The following NTM variants were observed in gnomAD, a reference collection of about 807,000 sequenced individuals.
NTM encodes the protein neurotrimin, also known as IgLON family member 2.
A neutral mutation model predicts 42.1 loss-of-function variants in NTM; 13 were observed. The observed-to-expected ratio is 0.31, with a 90% CI of 0.20 to 0.49. NTM has a LOEUF of 0.49. Ranked by LOEUF, NTM falls within the 20% of genes least tolerant of loss-of-function variation. NTM has a pLI of 0.99. For missense variants in NTM, 373 were observed against 452.8 expected (o/e 0.82, Z 1.60); for synonymous variants, 187 against 179.2 (o/e 1.04, Z -0.35).
chr11:131,659,553 C>T (rs1226443007), intron 1 of NTM, among the ~76,000 whole-genome samples: 1 of 152,198 alleles, frequency 6.6e-6, no homozygotes, highest in Non-Finnish European at 1.5e-5. Context: ...GTTTTACATT[C>T]ATAATGAGAG....
intron 3 of NTM, among the ~76,000 whole-genome samples, chr11:132,199,173 A>AC (rs750013439): frequency 1.3e-5 from 2 of 152,338 alleles, no homozygotes; most frequent in East Asian, 1.9e-4. Context: ...GATTAATGAA[A>AC]CATAAAAGAT....
At chr11:131,756,640 A>G (rs1223130119) in intron 1 of NTM, among the ~76,000 whole-genome samples, 3 of 152,086 alleles carry the variant, frequency 2.0e-5, no homozygotes, top group Non-Finnish European at 2.9e-5. Flanking sequence ...GTGAGCTGTG[A>G]TCACAGCACT....
chr11:132,256,066 C>T (rs549227101), intron 4 of NTM, among the ~76,000 whole-genome samples: 1 of 152,346 alleles, frequency 6.6e-6, no homozygotes, highest in East Asian at 1.9e-4. Context: ...TGTGCATACT[C>T]CTTCCTAGAA....
rs575019203 is a variant in NTM at position 132,047,126 on chromosome 11, CCTT to C, written c.168-99152_168-99150del. On this transcript the variant is annotated intron_variant, in intron 2 of 8. Coordinates refer to ENST00000683400, the MANE Select transcript of NTM (RefSeq NM_001352005.2). ...GTCTATTTCCCAAGTGTTTCCTTAT[CCTT>C]CTTTGCCTCCATCCAGTCTTCTGTG... Among the ~76,000 whole-genome samples the C allele has an allele frequency of 5.9e-5, 9 of 152,352 alleles. No homozygotes were observed. The South Asian group carries it at 1.7e-3, about 28-fold the overall frequency.
At chr11:131,379,663 A>G (rs543464328) in intron 1 of NTM, among the ~76,000 whole-genome samples, 2 of 152,344 alleles carry the variant, frequency 1.3e-5, no homozygotes, top group South Asian at 4.1e-4. Flanking sequence ...CTCTCAATAA[A>G]TATTACCTAA....
At chr11:131,500,640 T>C (rs1481040588) in intron 1 of NTM, among the ~76,000 whole-genome samples, 2 of 148,132 alleles carry the variant, frequency 1.4e-5, no homozygotes, top group Non-Finnish European at 3.0e-5. Context: ...AACGTGCAGG[T>C]TTGTTACATA....
At chr11:132,273,368 A>T (rs2093583188) in intron 4 of NTM, among the ~76,000 whole-genome samples, 1 of 126,894 alleles carries the variant, frequency 7.9e-6, no homozygotes, top group Admixed American at 9.6e-5. Context: ...TTCATAAAAG[A>T]TATTGGTCTG....
chr11:131,458,024 A>G (rs773153973), intron 1 of NTM, among the ~76,000 whole-genome samples: 1 of 152,216 alleles, frequency 6.6e-6, no homozygotes, highest in African/African-American at 2.4e-5. Flanking sequence ...ATTCTGTTAT[A>G]GAAGCCCAAA....
At chr11:131,380,789 G>A (rs542338988) in intron 1 of NTM, among the ~76,000 whole-genome samples, 4 of 152,204 alleles carry the variant, frequency 2.6e-5, no homozygotes, top group South Asian at 2.1e-4. Context: ...TAACTCTGTC[G>A]ACTCAAGGTG....
rs559339975 is a variant in NTM, at chr11:132,311,913, G to A, written c.782+1681G>A. Among the ~76,000 whole-genome samples, 12 of 152,346 alleles carry A rather than the reference G, an allele frequency of 7.9e-5. No individual in the cohort carries two copies. The South Asian group carries it at 2.3e-3, about 29-fold the overall frequency. ...CTGCCACCATTCACCCAGGAGGAGA[G>A]AGCAGGCTGGCAGGGCCAGGGACAG... On this transcript the variant is annotated intron_variant, in intron 6 of 8. Transcript: ENST00000683400.
chr11:131,675,293 T>A (rs569158862), intron 1 of NTM, among the ~76,000 whole-genome samples: 3 of 152,230 alleles, frequency 2.0e-5, no homozygotes, highest in Admixed American at 6.5e-5. Flanking sequence ...ACCCAATATA[T>A]CACGGGTGGT....
intron 1 of NTM, among the ~76,000 whole-genome samples, chr11:131,880,566 C>T (rs1216792712): frequency 6.6e-6 from 1 of 152,232 alleles, no homozygotes; most frequent in Non-Finnish European, 1.5e-5. Flanking sequence ...ACTTGGGAGT[C>T]CAGTGCCAGG....
intron 3 of NTM, among the ~76,000 whole-genome samples, chr11:132,160,303 C>T (rs1216404070): frequency 6.6e-6 from 1 of 152,184 alleles, no homozygotes; most frequent in Non-Finnish European, 1.5e-5. Flanking sequence ...GCACAGGTGA[C>T]AGCTAATGCA....
intron 1 of NTM, among the ~76,000 whole-genome samples, chr11:131,487,079 C>T (rs940683125): frequency 9.9e-5 from 15 of 152,228 alleles, no homozygotes; most frequent in African/African-American, 3.4e-4. Context: ...GTTCCTGCTG[C>T]TGTCTGATCC....
At chr11:131,713,626 A>G (rs558323212) in intron 1 of NTM, among the ~76,000 whole-genome samples, 109 of 152,262 alleles carry the variant, frequency 7.2e-4, no homozygotes, top group African/African-American at 2.2e-3. Context: ...AGGCAATCAT[A>G]TCATTTTTCC....
chr11:131,545,094 G>A (rs1457447894), intron 1 of NTM, among the ~76,000 whole-genome samples: 1 of 152,030 alleles, frequency 6.6e-6, no homozygotes, highest in Non-Finnish European at 1.5e-5. Context: ...CTTTCTCGCT[G>A]GACTATTAAC....
At chr11:131,908,306 C>T (rs1352134399) in intron 1 of NTM, among the ~76,000 whole-genome samples, 1 of 152,256 alleles carries the variant, frequency 6.6e-6, no homozygotes, top group Non-Finnish European at 1.5e-5. Context: ...AATAAAGCAT[C>T]TTCCATCTTA....
At position 132,080,909 on chromosome 11, in the gene NTM, G is replaced by A. The variant is rs542255406; in HGVS notation, c.168-65373G>A. On this transcript the variant is annotated intron_variant, in intron 2 of 8. Coordinates refer to ENST00000683400, the MANE Select transcript of NTM (RefSeq NM_001352005.2). ...GCAGCAGCACCTGTGTTCCTGATATGTACCCAGTCCAGTGCTAGATACAGT... is the reference window on the plus strand; with the variant it reads ...GCAGCAGCACCTGTGTTCCTGATATATACCCAGTCCAGTGCTAGATACAGT... Among the ~76,000 whole-genome samples, 393 of 152,340 alleles carry A rather than the reference G, an allele frequency of 2.6e-3. 5 individuals are homozygous for A. The highest frequency in any genetic ancestry group is 3.4e-3 in the Middle Eastern group (1 of 294).
intron 4 of NTM, among the ~76,000 whole-genome samples, chr11:132,278,160 G>T (rs2139794664): frequency 6.6e-6 from 1 of 152,292 alleles, no homozygotes; most frequent in South Asian, 2.1e-4. Flanking sequence ...ACTTATTGAG[G>T]ATTTCTGTTC....
Sources: gnomAD v4.1 joint callset for allele counts (sites outside exome capture counted in the v4.1 genomes callset) on GRCh38, gnomAD v4.1.1 for gene constraint, MANE v1.5 for transcripts, NCBI Gene and HGNC (gene_info 2026-07-23, HGNC 2026-07-21) for gene names.